TBC1D22A: variants seen among roughly 807,000 people sequenced by gnomAD.
The protein encoded by TBC1D22A is TBC1 domain family member 22A.
TBC1D22A carries 38 observed loss-of-function variants against 60.2 expected under a neutral mutation model. The ratio of observed to expected loss-of-function variants is 0.63; its 90% confidence interval spans 0.49 to 0.83. The LOEUF (loss-of-function observed/expected upper bound fraction) is 0.83, where lower values mean the gene tolerates loss of function less well. Ranked by LOEUF, TBC1D22A falls within the 40% of genes least tolerant of loss-of-function variation. The pLI is 0.00. For synonymous variants in TBC1D22A, 302 were observed against 281.7 expected (o/e 1.07, Z -0.72); for missense variants, 628 against 701.0 (o/e 0.90, Z 1.18).
At chr22:46,846,247 G>C (rs1033430853) in intron 4 of TBC1D22A, among the ~76,000 whole-genome samples, 3 of 152,226 alleles carry the variant, frequency 2.0e-5, no homozygotes, top group African/African-American at 7.2e-5. Context: ...GGCAATAGCT[G>C]TTGTGATCTT....
intron 10 of TBC1D22A, among the ~76,000 whole-genome samples, chr22:47,015,821 G>A (rs1343779901): frequency 6.6e-6 from 1 of 152,188 alleles, no homozygotes; most frequent in Non-Finnish European, 1.5e-5. Context: ...TCGGGGTCTT[G>A]GCCTTACGCT....
rs550217723 is a variant in TBC1D22A, at chr22:47,151,090, C to T, written c.1426-22408C>T. Among the ~76,000 whole-genome samples the T allele has an allele frequency of 3.0e-3, 463 of 152,136 alleles. 3 individuals are homozygous for T. Among genetic ancestry groups the T allele is most frequent in the Middle Eastern group, 0.014 (4 of 294 alleles). On this transcript the variant is annotated intron_variant, in intron 12 of 12. Coordinates refer to ENST00000337137, the MANE Select transcript of TBC1D22A (RefSeq NM_014346.5). ...CAGAGGCTGAGGGGCCTGTGAGCTGCGTGGGGAGCAACCCGCTCCGCTTAA... is the reference window on the plus strand; with the variant it reads ...CAGAGGCTGAGGGGCCTGTGAGCTGTGTGGGGAGCAACCCGCTCCGCTTAA...
intron 11 of TBC1D22A, among the ~76,000 whole-genome samples, chr22:47,081,696 A>G (rs1159633084): frequency 6.6e-6 from 1 of 152,242 alleles, no homozygotes; most frequent in African/African-American, 2.4e-5. Flanking sequence ...AGTTGATATC[A>G]TTTTATAACA....
chr22:47,150,170 G>T (rs991312484), intron 12 of TBC1D22A, among the ~76,000 whole-genome samples: 2 of 152,146 alleles, frequency 1.3e-5, no homozygotes, highest in African/African-American at 2.4e-5. Flanking sequence ...CACAGTCACT[G>T]GTGCACTGTA....
At chr22:46,937,382 C>T (rs763839991) in intron 8 of TBC1D22A, among the ~76,000 whole-genome samples, 1 of 152,164 alleles carries the variant, frequency 6.6e-6, no homozygotes, top group Non-Finnish European at 1.5e-5. Context: ...TTCCTCTCAC[C>T]TGGTGACATC....
Position 46,797,453 on chromosome 22 carries a change from G to C in TBC1D22A, c.470G>C (p.Ser157Thr). The C allele has an allele frequency of 6.2e-7, 1 of 1,612,764 alleles. No individual in the cohort carries two copies. The highest frequency in any genetic ancestry group is 8.5e-7 in the Non-Finnish European group (1 of 1,180,010). ...SHTSCPAESA[S>T]DAAPLQRSQS... ...TCTCTCACCCCTGCAGAAAGTGCCA[G>C]CGATGCCGCCCCTCTGCAGAGGTCC... Residue 157 changes from serine to threonine, a missense_variant, in exon 4 of 13, where the codon AGC becomes ACC. By Grantham distance (58) the Ser-to-Thr change is moderately conservative. Coordinates refer to ENST00000337137, the MANE Select transcript of TBC1D22A (RefSeq NM_014346.5).
At chr22:47,105,921 A>G (rs2065618575) in intron 11 of TBC1D22A, among the ~76,000 whole-genome samples, 1 of 152,270 alleles carries the variant, frequency 6.6e-6, no homozygotes, top group African/African-American at 2.4e-5. Flanking sequence ...TTTTAGAATT[A>G]TCTGCGACAT....
At chr22:46,783,498 C>A (rs1420853596) in intron 1 of TBC1D22A, among the ~76,000 whole-genome samples, 1 of 152,236 alleles carries the variant, frequency 6.6e-6, no homozygotes, top group Non-Finnish European at 1.5e-5. Context: ...CGCACACACG[C>A]AGTTGATGCC....
chr22:46,832,931 C>T (rs2086373314), intron 4 of TBC1D22A, among the ~76,000 whole-genome samples: 1 of 152,154 alleles, frequency 6.6e-6, no homozygotes, highest in Non-Finnish European at 1.5e-5. Context: ...GGATGGTGTC[C>T]ATCCCCAGCT....
chr22:47,084,192 G>C (rs1446379385), intron 11 of TBC1D22A, among the ~76,000 whole-genome samples: 2 of 152,224 alleles, frequency 1.3e-5, no homozygotes, highest in Non-Finnish European at 2.9e-5. Context: ...ATTGAAACAT[G>C]ACATTTCTCA....
At chr22:46,787,511 C>T (rs1021260457) in intron 1 of TBC1D22A, among the ~76,000 whole-genome samples, 4 of 152,174 alleles carry the variant, frequency 2.6e-5, no homozygotes, top group African/African-American at 9.7e-5. Flanking sequence ...TGCTAAAGTA[C>T]TGGCTTTCAT....
At chr22:47,061,687 A>G (rs1316700819) in intron 11 of TBC1D22A, among the ~76,000 whole-genome samples, 1 of 151,882 alleles carries the variant, frequency 6.6e-6, no homozygotes, top group Admixed American at 6.6e-5. Context: ...AGATTTAGCC[A>G]GGATTTTGCA....
chr22:47,088,650 G>C (rs988900126), intron 11 of TBC1D22A, among the ~76,000 whole-genome samples: 2 of 152,116 alleles, frequency 1.3e-5, no homozygotes, highest in African/African-American at 4.8e-5. Flanking sequence ...GGCTGTAAAT[G>C]GAGAGGCAGT....
chr22:47,030,913 G>A (rs748881806), intron 10 of TBC1D22A, among the ~76,000 whole-genome samples: 2 of 152,240 alleles, frequency 1.3e-5, no homozygotes, highest in Non-Finnish European at 2.9e-5. Context: ...ACGTCCCGGC[G>A]GGGTGAGGCC....
intron 12 of TBC1D22A, among the ~76,000 whole-genome samples, chr22:47,119,969 G>A (rs1273112739): frequency 6.6e-6 from 1 of 152,010 alleles, no homozygotes; most frequent in African/African-American, 2.4e-5. Flanking sequence ...CCTCCTTCAC[G>A]GCACCCATCC....
At chr22:46,950,979 C>A (rs572232245) in intron 8 of TBC1D22A, among the ~76,000 whole-genome samples, 2 of 152,168 alleles carry the variant, frequency 1.3e-5, no homozygotes, top group South Asian at 4.2e-4. Flanking sequence ...TCCTGAAATA[C>A]GTGTGTGAGT....
At chr22:46,841,047 G>GGTGGGTGTGT (rs1555909299) in intron 4 of TBC1D22A, among the ~76,000 whole-genome samples, 1 of 147,438 alleles carries the variant, frequency 6.8e-6, no homozygotes, top group African/African-American at 2.5e-5. Flanking sequence ...AATGAAAATG[G>GGTGGGTGTGT]GTGTGTGTGT....
intron 11 of TBC1D22A, among the ~76,000 whole-genome samples, chr22:47,041,784 T>C (rs2062851829): frequency 6.6e-6 from 1 of 152,210 alleles, no homozygotes; most frequent in Non-Finnish European, 1.5e-5. Flanking sequence ...AGTAAATATT[T>C]TCAGGCTTGT....
At chr22:46,797,140 C>T (rs1271491711) in intron 3 of TBC1D22A, among the ~76,000 whole-genome samples, 1 of 152,220 alleles carries the variant, frequency 6.6e-6, no homozygotes, top group East Asian at 1.9e-4. Context: ...TGATCTGCCA[C>T]CCCAGGCACT....
Sources: allele counts gnomAD v4.1 joint callset (sites outside exome capture counted in the v4.1 genomes callset), GRCh38; gene constraint gnomAD v4.1.1; transcripts MANE v1.5; gene names NCBI Gene and HGNC (gene_info 2026-07-23, HGNC 2026-07-21).